MTOR: variants seen among roughly 807,000 people sequenced by gnomAD.
MTOR encodes the protein mechanistic target of rapamycin kinase.
Under a neutral mutation model 319.8 loss-of-function variants are expected in MTOR, and 70 were observed. The observed-to-expected ratio is 0.22, with a 90% CI of 0.18 to 0.27. MTOR has a LOEUF of 0.27. Among genes scored for constraint, MTOR ranks in the 10% least tolerant of loss-of-function variants. The pLI is 1.00. For missense variants in MTOR, 1,890 were observed against 3,274.4 expected (o/e 0.58, Z 10.32); for synonymous variants, 1,183 against 1,211.4 (o/e 0.98, Z 0.49).
At chr1:11,174,350 C>T (rs1490284318) in intron 28 of MTOR, among the ~76,000 whole-genome samples, 4 of 152,136 alleles carry the variant, frequency 2.6e-5, no homozygotes, top group African/African-American at 9.7e-5. Flanking sequence ...GAAGGGAGCC[C>T]TCCTGTGCCT....
Position 11,121,663 on chromosome 1 carries a change from T to C in MTOR, c.6811-295A>G, listed in dbSNP as rs1642533686. The stretch of plus-strand genomic sequence containing the variant: ...GGTTTTGGAAAACAAGCAATTCTCT[T>C]TCTTATTACTTACACATCTACTAAA... On this transcript the variant is annotated intron_variant, in intron 48 of 57. Transcript: ENST00000361445. The surrounding 1 kb of genome is among the most constrained non-coding windows in gnomAD (Gnocchi z 4.9). 6.6e-6 allele frequency among the ~76,000 whole-genome samples: 1 copy of C among 152,208 alleles called. No homozygotes were observed. Among genetic ancestry groups the C allele is most frequent in the Non-Finnish European group, 1.5e-5 (1 of 68,028 alleles).
At chr1:11,142,296 C>CT (rs538873427) in intron 34 of MTOR, among the ~76,000 whole-genome samples, 16 of 150,366 alleles carry the variant, frequency 1.1e-4, no homozygotes, top group Middle Eastern at 3.4e-3. Flanking sequence ...GGCAGAACTC[C>CT]TTTTTTTTTG....
At chr1:11,210,749 G>A (rs1339746480) in intron 24 of MTOR, 65 bp downstream of exon 24, 1 of 1,276,330 alleles carries the variant, frequency 7.8e-7, no homozygotes, top group African/African-American at 1.5e-5. Flanking sequence ...CCATAGCCAA[G>A]ATTACAAGAA....
At position 11,237,945 on chromosome 1, in the gene MTOR, G is replaced by C; in HGVS notation, c.2106C>G (p.Asp702Glu). 1 of 1,614,168 alleles carries C rather than the reference G, an allele frequency of 6.2e-7. No homozygotes were observed. Among genetic ancestry groups the C allele is most frequent in the Non-Finnish European group, 8.5e-7 (1 of 1,180,022 alleles). ...NLQALFVALN[D>E]QVFEIRELAI... The stretch of plus-strand genomic sequence containing the variant: ...CCAGCTCCCGGATCTCAAACACCTG[G>C]TCATTCAGAGCCACAAACAAGGCCT... The change falls in exon 13 of 58, where the codon GAC becomes GAG. Residue 702 changes from aspartate to glutamate, a missense_variant. Coordinates refer to ENST00000361445, the MANE Select transcript of MTOR (RefSeq NM_004958.4).
At chr1:11,217,261 T>C (rs1285879256) in intron 19 of MTOR, among the ~76,000 whole-genome samples, 1 of 152,100 alleles carries the variant, frequency 6.6e-6, no homozygotes, top group Non-Finnish European at 1.5e-5. Flanking sequence ...AAGGAAGGTG[T>C]GGGTAAAGAA....
chr1:11,139,462 A>AGGG, intron 35 of MTOR, 27 bp from the exon 36 acceptor site: 1 of 1,614,118 alleles, frequency 6.2e-7, no homozygotes, highest in Non-Finnish European at 8.5e-7. Flanking sequence ...ACTGGGTTAT[A>AGGG]GACAGAACTG....
Position 11,133,281 on chromosome 1 carries a change from G to A in MTOR, c.5247-84C>T, listed in dbSNP as rs1369185342. On this transcript the variant is annotated intron_variant, in intron 37 of 57. Coordinates refer to ENST00000361445, the MANE Select transcript of MTOR (RefSeq NM_004958.4). This position sits in a 1 kb window ranked among gnomAD's most constrained non-coding sequence, Gnocchi z 4.0. ...GGACCACAAATTGTTAGGGGACACT[G>A]AAGCCCTTCTGGTATTTCCTCTTAT... 2.5e-6 allele frequency: 3 copies of A among 1,185,508 alleles called. No homozygotes were observed. The African/African-American group carries it at 4.5e-5, about 18-fold the overall frequency. 73.4% of individuals were successfully genotyped at this position (1,185,508 alleles called of 1,614,324 possible). A position where few individuals can be genotyped will look rare whatever the true frequency, so the allele number is the denominator to read the frequency against.
rs758668050 is a variant in MTOR at position 11,259,289 on chromosome 1, C to A, written c.121G>T (p.Ala41Ser). The A allele has an allele frequency of 3.1e-6, 5 of 1,613,798 alleles. No individual in the cohort carries two copies. Among genetic ancestry groups the A allele is most frequent in the East Asian group, 2.2e-5 (1 of 44,858 alleles). The change falls in exon 2 of 58, where the codon GCC becomes TCC. Residue 41 changes from alanine (A) to serine (S), a missense_variant. Ala to Ser is a moderately conservative substitution (Grantham distance 99). Transcript: ENST00000361445. ...GTGACATAGTGCTGGAGCTCCTTGG[C>A]GGCTTTGGCCCTGGTTTCCTCATTC... ...SRNEETRAKA[A>S]KELQHYVTME...
At chr1:11,126,088 C>G (rs1642823231) in intron 46 of MTOR, among the ~76,000 whole-genome samples, 1 of 150,416 alleles carries the variant, frequency 6.6e-6, no homozygotes, top group Non-Finnish European at 1.5e-5. Context: ...CAAAGTGCCA[C>G]CACAGCACTC....
At chr1:11,178,529 TCTTA>T (rs1309557289) in intron 28 of MTOR, among the ~76,000 whole-genome samples, 1 of 152,236 alleles carries the variant, frequency 6.6e-6, no homozygotes, top group African/African-American at 2.4e-5. Flanking sequence ...TCCAACTTTA[TCTTA>T]CTTGTCAACA....
intron 34 of MTOR, among the ~76,000 whole-genome samples, chr1:11,142,698 G>C (rs1325048011): frequency 6.6e-6 from 1 of 152,112 alleles, no homozygotes; most frequent in Non-Finnish European, 1.5e-5. Flanking sequence ...CCATGGAGCT[G>C]TCCTCCATGG....
chr1:11,126,594 G>A (rs759284787), intron 46 of MTOR, 28 bp downstream of exon 46: 1 of 1,608,528 alleles, frequency 6.2e-7, no homozygotes, highest in East Asian at 2.2e-5. Context: ...GGGAGAAGTG[G>A]GTGACAGAAG....
rs1642884015 is a variant in MTOR at position 11,127,265 on chromosome 1, G to A, written c.6217-121C>T. ...CCGCTGTGGCCTGAAAACACTGGCA[G>A]GGGGCTGGAGAAAGCAAGAGCATAG... On this transcript the variant is annotated intron_variant, in intron 44 of 57. Coordinates refer to ENST00000361445, the MANE Select transcript of MTOR (RefSeq NM_004958.4). This position sits in a 1 kb window ranked among gnomAD's most constrained non-coding sequence, Gnocchi z 5.5. The A allele has an allele frequency of 7.2e-7, 1 of 1,384,288 alleles. No individual in the cohort carries two copies. 85.8% of individuals were successfully genotyped at this position (1,384,288 alleles called of 1,614,324 possible).
rs796351423 is a variant in MTOR, at chr1:11,115,059, TAA to T, written c.7090-174_7090-173del. 7.2e-6 allele frequency among the ~76,000 whole-genome samples: 1 copy of T among 139,214 alleles called. No homozygotes were observed. The highest frequency in any genetic ancestry group is 2.6e-5 in the African/African-American group (1 of 37,894). 91.3% of individuals were successfully genotyped at this position (139,214 alleles called of 152,430 possible). ...TGTCACAGGGATTTGAAAGACAACT[TAA>T]AAAAAAAAAGAAACGAACAACAGAA... On this transcript the variant is annotated intron_variant, in intron 51 of 57. Transcript: ENST00000361445. This position sits in a 1 kb window ranked among gnomAD's most constrained non-coding sequence, Gnocchi z 4.5.
rs2100898971 is a variant in MTOR, at chr1:11,237,997, G to A, written c.2054C>T (p.Ala685Val). The change falls in exon 13 of 58, where the codon GCA (alanine) becomes GTA (valine). Residue 685 changes from alanine (A) to valine (V), a missense_variant. Physicochemically the swap from Ala to Val is moderately conservative, Grantham distance 64. This residue lies in a region of MTOR where 377 missense variants were observed against 653.9 expected (regional missense o/e 0.58). Coordinates refer to ENST00000361445, the MANE Select transcript of MTOR (RefSeq NM_004958.4). ...CAAGTTCTCCGCCTGGGCCAGGTGTGCATCAAAGCGCTCGTCCAGGGACGC... is the reference window on the plus strand; with the variant it reads ...CAAGTTCTCCGCCTGGGCCAGGTGTACATCAAAGCGCTCGTCCAGGGACGC... ...VLASLDERFD[A>V]HLAQAENLQA... 3.1e-6 allele frequency: 5 copies of A among 1,614,198 alleles called. 1 individual carries two copies. The South Asian group carries it at 5.5e-5, about 18-fold the overall frequency.
intron 28 of MTOR, among the ~76,000 whole-genome samples, chr1:11,186,368 C>T (rs1645324456): frequency 6.6e-6 from 1 of 152,174 alleles, no homozygotes; most frequent in Admixed American, 6.5e-5. Flanking sequence ...CTCAGACTAC[C>T]TTGGTGCCAG....
Position 11,144,908 on chromosome 1 carries a change from C to G in MTOR, c.4764+60G>C, listed in dbSNP as rs182674761. 107 of 1,589,592 alleles carry G rather than the reference C, an allele frequency of 6.7e-5. 1 individual carries two copies. The East Asian group carries it at 2.2e-3, about 32-fold the overall frequency. On this transcript the variant is annotated intron_variant, in intron 33 of 57. Coordinates refer to ENST00000361445, the MANE Select transcript of MTOR (RefSeq NM_004958.4). ...GCCTGTAAGTTCTCAATAGCCCATT[C>G]TGAAAAAAGTATGGAAATAAGCCTC...
chr1:11,154,523 CTA>C (rs200447468), intron 30 of MTOR, among the ~76,000 whole-genome samples: 14,046 of 149,622 alleles, frequency 0.094, 1,071 homozygotes, highest in South Asian at 0.2. Flanking sequence ...ATCTCTCTCT[CTA>C]TATATATATA....
rs975179512 is a variant in MTOR at position 11,212,215 on chromosome 1, G to T, written c.3561+97C>A. 2.8e-6 allele frequency: 4 copies of T among 1,422,046 alleles called. No individual in the cohort carries two copies. In the East Asian group the frequency reaches 9.3e-5, roughly 33 times the overall value. The allele number at this position is 1,422,046 out of a possible 1,614,324, so 88.1% of individuals were successfully genotyped here. ...AGCAAGTAATTCCACGTTCTCTGATGGTGGCTGGCATCAGACAAAGTCTGA... is the reference window on the plus strand; with the variant it reads ...AGCAAGTAATTCCACGTTCTCTGATTGTGGCTGGCATCAGACAAAGTCTGA... On this transcript the variant is annotated intron_variant, in intron 23 of 57. Coordinates refer to ENST00000361445, the MANE Select transcript of MTOR (RefSeq NM_004958.4). This position sits in a 1 kb window ranked among gnomAD's most constrained non-coding sequence, Gnocchi z 4.1.
Sources: gnomAD v4.1 joint callset for allele counts (sites outside exome capture counted in the v4.1 genomes callset) on GRCh38, gnomAD v4.1.1 for gene constraint, gnomAD v4.1.1 regional missense constraint, Gnocchi (gnomAD v3.1) non-coding constraint, MANE v1.5 for transcripts, NCBI Gene and HGNC (gene_info 2026-07-23, HGNC 2026-07-21) for gene names.